Variants in ABL1 observed in about 807,000 individuals in gnomAD.
The protein encoded by ABL1 is ABL proto-oncogene 1, non-receptor tyrosine kinase, also known as tyrosine-protein kinase ABL1.
ABL1 carries 11 observed loss-of-function variants against 94.7 expected under a neutral mutation model. The ratio of observed to expected loss-of-function variants is 0.12; its 90% CI spans 0.07 to 0.19. The LOEUF is 0.19. Ranked by LOEUF, ABL1 falls within the 10% of genes least tolerant of loss-of-function variation. The pLI, the probability that ABL1 is intolerant of heterozygous loss-of-function variation, is 1.00. For synonymous variants in ABL1, 656 were observed against 622.4 expected, an observed-to-expected ratio of 1.05 and a Z score of -0.80; for missense variants, 1,082 against 1,489.4, an observed-to-expected ratio of 0.73 and a Z score of 4.50.
chr9:130,809,381 TGAGAGAGA>T (rs370101656), intron 1 of ABL1, among the ~76,000 whole-genome samples: 10,312 of 132,446 alleles, frequency 0.078, 466 homozygotes, highest in Middle Eastern at 0.12. Flanking sequence ...TGAAGGTTCT[TGAGAGAGA>T]GAGAGAGAGA....
At chr9:130,882,543 C>T (rs1357025224) in intron 10 of ABL1, among the ~76,000 whole-genome samples, 2 of 148,650 alleles carry the variant, frequency 1.3e-5, no homozygotes, top group Admixed American at 6.7e-5. Flanking sequence ...AAAAGATTTC[C>T]TTTTTTTTTT....
chr9:130,808,749 T>G (rs567705948), intron 1 of ABL1, among the ~76,000 whole-genome samples: 1 of 152,358 alleles, frequency 6.6e-6, no homozygotes, highest in Admixed American at 6.5e-5. Context: ...AATCCCAGAT[T>G]TGTATACTCA....
chr9:130,813,812 T>C (rs2132861784), intron 1 of ABL1, among the ~76,000 whole-genome samples: 1 of 152,320 alleles, frequency 6.6e-6, no homozygotes, highest in Non-Finnish European at 1.5e-5. Flanking sequence ...AGATGGTCCC[T>C]GACTTATGAC....
At chr9:130,828,153 C>T (rs1265583034) in intron 1 of ABL1, among the ~76,000 whole-genome samples, 1 of 152,028 alleles carries the variant, frequency 6.6e-6, no homozygotes, top group African/African-American at 2.4e-5. Context: ...GGCAAGATCA[C>T]AGCTCACTGC....
At chr9:130,870,079 T>C (rs1217822772) in intron 4 of ABL1, among the ~76,000 whole-genome samples, 1 of 152,184 alleles carries the variant, frequency 6.6e-6, no homozygotes, top group Non-Finnish European at 1.5e-5. Flanking sequence ...TCCCAAAGTG[T>C]TGGGATTACA....
chr9:130,772,664 G>A lies in ABL1; in HGVS notation c.136+58209G>A, dbSNP rs1325526942. On this transcript the variant is annotated intron_variant, in intron 1 of 10. Coordinates refer to the ABL1 transcript ENST00000372348. ...CACACCCCAAATCTGTTGAAAAGAG[G>A]AAAGTGTACAGGCAGGAGACACAGA... Among the ~76,000 whole-genome samples, 3 of 152,166 alleles carry A rather than the reference G, an allele frequency of 2.0e-5. No individual in the cohort carries two copies. The East Asian group carries it at 5.8e-4, about 29-fold the overall frequency.
chr9:130,807,744 C>T (rs1364317544), intron 1 of ABL1, among the ~76,000 whole-genome samples: 1 of 130,606 alleles, frequency 7.7e-6, no homozygotes, highest in African/African-American at 2.9e-5. Context: ...GTCACCCAGG[C>T]TGGAGTGCAA....
chr9:130,832,555 A>G (rs747324799), upstream of ABL1, among the ~76,000 whole-genome samples: 1 of 152,172 alleles, frequency 6.6e-6, no homozygotes, highest in Non-Finnish European at 1.5e-5. Flanking sequence ...CTCTCCCTCC[A>G]GTCAGTTTTC....
In ABL1 at chr9:130,884,178, C is replaced by A. The variant is rs374307625; in HGVS notation, c.1888C>A (p.Arg630Ser). The part of the protein sequence containing the change: ...SFREMDGQPE[R>S]RGAGEEEGRD... ...CCGGGAGATGGACGGCCAGCCGGAG[C>A]GCAGAGGGGCCGGCGAGGAAGAGGG... Residue 630 changes from arginine to serine, a missense_variant, in exon 11 of 11, where the codon CGC (arginine) becomes AGC (serine). This residue lies in a region of ABL1 where 780 missense variants were observed against 835.8 expected (regional missense o/e 0.93). Transcript: ENST00000318560. This position sits in a 1 kb window ranked among gnomAD's most constrained non-coding sequence, Gnocchi z 5.6. 24 of 1,612,490 alleles carry A rather than the reference C, an allele frequency of 1.5e-5. No homozygotes were observed. Among genetic ancestry groups the A allele is most frequent in the Non-Finnish European group, 1.7e-6 (2 of 1,179,760 alleles).
intron 1 of ABL1, among the ~76,000 whole-genome samples, chr9:130,843,215 A>C (rs1830704629): frequency 6.6e-6 from 1 of 152,226 alleles, no homozygotes; most frequent in Non-Finnish European, 1.5e-5. Context: ...GAGCAGGCAC[A>C]GAAGGCTCTG....
At chr9:130,853,106 G>A (rs955468799) in intron 1 of ABL1, among the ~76,000 whole-genome samples, 44 of 151,900 alleles carry the variant, frequency 2.9e-4, no homozygotes, top group African/African-American at 1.0e-3. Context: ...CTCTGGGAGC[G>A]GAGAGGACTG....
At chr9:130,834,037 G>C (rs1221498361), upstream of ABL1, 1 of 455,996 alleles carries the variant, frequency 2.2e-6, no homozygotes, top group Non-Finnish European at 4.4e-6. Context: ...GAGCCAGGCA[G>C]ACCTGGGTTG....
At position 130,859,677 on chromosome 9, in the gene ABL1, CTTTTTTTTT is replaced by C. The variant is rs869234280; in HGVS notation, c.550-3065_550-3057del. On this transcript the variant is annotated intron_variant, in intron 3 of 10. Transcript: ENST00000318560. ...AAACGCTGTTTCTTTTCTTTCTTTC[CTTTTTTTTT>C]TTTTTTTTTTTTTTTTTTTTGAGAC... Among the ~76,000 whole-genome samples the C allele has an allele frequency of 1.4e-4, 11 of 78,454 alleles. No homozygotes were observed. The South Asian group carries it at 2.4e-3, about 17-fold the overall frequency. The allele number at this position is 78,454 out of a possible 152,430, so 51.5% of individuals were successfully genotyped here.
At chr9:130,877,112 T>A (rs530967814) in intron 7 of ABL1, among the ~76,000 whole-genome samples, 2 of 148,318 alleles carry the variant, frequency 1.3e-5, no homozygotes, top group African/African-American at 5.1e-5. Flanking sequence ...TTCAGTCCAC[T>A]GCGGTTATTT....
chr9:130,772,759 A>G (rs1047197952), intron 1 of ABL1, among the ~76,000 whole-genome samples: 1 of 152,222 alleles, frequency 6.6e-6, no homozygotes, highest in Admixed American at 6.5e-5. Context: ...GGATTAGGTG[A>G]GGATCCAACT....
chr9:130,878,393 T>C (rs767829313), intron 7 of ABL1, 22 bp from the exon 8 acceptor site: 1 of 1,613,228 alleles, frequency 6.2e-7, no homozygotes, highest in Non-Finnish European at 8.5e-7. Context: ...TGAACAGCCT[T>C]TCTCTTTCGG....
intron 1 of ABL1, among the ~76,000 whole-genome samples, chr9:130,720,238 A>G (rs568079400): frequency 1.3e-5 from 2 of 152,316 alleles, no homozygotes; most frequent in South Asian, 2.1e-4. Flanking sequence ...TAAAATACAG[A>G]TATGTTAGTG....
In ABL1 at chr9:130,885,895, CGTCTCTG is replaced by C; in HGVS notation, c.*213_*219del. Reference sequence around the variant, plus strand: ...TCCCGCACCTTCCTCCTCCCCGCTCCGTCTCTGTCCTCGAATTTTATCTGTGGAGTTC... The same window carrying C: ...TCCCGCACCTTCCTCCTCCCCGCTCCTCCTCGAATTTTATCTGTGGAGTTC... On this transcript the variant is annotated 3_prime_UTR_variant, in exon 11 of 11. Coordinates refer to ENST00000318560, the MANE Select transcript of ABL1 (RefSeq NM_005157.6). 1.6e-6 allele frequency: 1 copy of C among 617,302 alleles called. No homozygotes were observed. The highest frequency in any genetic ancestry group is 2.2e-5 in the South Asian group (1 of 45,546). The allele number at this position is 617,302 out of a possible 1,614,324, so 38.2% of individuals were successfully genotyped here. A position where few individuals can be genotyped will look rare whatever the true frequency, so the allele number is the denominator to read the frequency against.
intron 4 of ABL1, among the ~76,000 whole-genome samples, chr9:130,864,687 A>G (rs1343642585): frequency 6.6e-6 from 1 of 152,220 alleles, no homozygotes; most frequent in Admixed American, 6.5e-5. Context: ...TAGGAGGAAG[A>G]AGGATTGCAG....
Sources: gnomAD v4.1 joint callset for allele counts (sites outside exome capture counted in the v4.1 genomes callset) on GRCh38, gnomAD v4.1.1 for gene constraint, gnomAD v4.1.1 regional missense constraint, Gnocchi (gnomAD v3.1) non-coding constraint, MANE v1.5 for transcripts, NCBI Gene and HGNC (gene_info 2026-07-23, HGNC 2026-07-21) for gene names.